The following NAV3 variants were observed in gnomAD, a reference collection of about 807,000 sequenced individuals.
The protein encoded by NAV3 is neuron navigator 3.
NAV3 carries 87 observed loss-of-function variants against 244.7 expected under a neutral mutation model. The ratio of observed to expected loss-of-function variants is 0.36; its 90% CI spans 0.30 to 0.42. The LOEUF is 0.42. Ranked by LOEUF, NAV3 falls within the 20% of genes least tolerant of loss-of-function variation. The probability of loss-of-function intolerance (pLI) is 1.00; values close to 1 mark genes in which losing one functional copy is unlikely to be tolerated. For missense variants in NAV3, 2,663 were observed against 2,893.3 expected, an observed-to-expected ratio of 0.92 and a Z score of 1.83; for synonymous variants, 1,126 against 1,042.2, an observed-to-expected ratio of 1.08 and a Z score of -1.55.
At chr12:77,603,742 A>G (rs1373928918) in intron 2 of NAV3, among the ~76,000 whole-genome samples, 1 of 152,034 alleles carries the variant, frequency 6.6e-6, no homozygotes, top group Non-Finnish European at 1.5e-5. Flanking sequence ...TCGATAATGA[A>G]TTATATTCTT....
intron 2 of NAV3, among the ~76,000 whole-genome samples, chr12:77,734,556 T>C (rs192135656): frequency 2.6e-5 from 4 of 152,130 alleles, no homozygotes; most frequent in Non-Finnish European, 4.4e-5. Flanking sequence ...GTTTTAAAGA[T>C]GCGTATTTTG....
At chr12:77,634,635 G>T (rs1419307411) in intron 2 of NAV3, among the ~76,000 whole-genome samples, 1 of 152,012 alleles carries the variant, frequency 6.6e-6, no homozygotes, top group East Asian at 1.9e-4. Flanking sequence ...TTTTAGAACA[G>T]GTGTCGCCTA....
intron 5 of NAV3, among the ~76,000 whole-genome samples, chr12:77,972,309 T>C (rs1893064565): frequency 6.6e-6 from 1 of 152,164 alleles, no homozygotes; most frequent in Non-Finnish European, 1.5e-5. Flanking sequence ...AAAGTAAAGG[T>C]GGGATTCAGA....
chr12:78,121,012 C>A (rs1020508112), intron 15 of NAV3, among the ~76,000 whole-genome samples: 1 of 152,036 alleles, frequency 6.6e-6, no homozygotes, highest in African/African-American at 2.4e-5. Context: ...TGAATTATGG[C>A]GTATAGGGAG....
At chr12:78,050,713 T>C (rs746591584) in intron 10 of NAV3, 51 bp from the exon 11 acceptor site, 2 of 1,529,378 alleles carry the variant, frequency 1.3e-6, no homozygotes, top group East Asian at 2.3e-5. Flanking sequence ...CATTCTAGAT[T>C]ATGGCCCTAA....
In NAV3 at chr12:77,831,191, G is replaced by GAC. The variant is rs1300693103; in HGVS notation, c.-270_-269insCA. 7.6e-4 allele frequency: 66 copies of GAC among 86,490 alleles called. No individual in the cohort carries two copies. Among genetic ancestry groups the GAC allele is most frequent in the African/African-American group, 2.5e-3 (58 of 22,924 alleles). The allele number at this position is 86,490 out of a possible 1,614,324, so 5.4% of individuals were successfully genotyped here. ...AGACAGAGAGAGAGAGAGAGAGAGAGAGACAGAGAGAGAGAGAGAGAGAGA... is the reference window on the plus strand; with the variant it reads ...AGACAGAGAGAGAGAGAGAGAGAGAGACAGACAGAGAGAGAGAGAGAGAGAGA... On this transcript the variant is annotated 5_prime_UTR_variant, in exon 1 of 40. Transcript: ENST00000397909.
chr12:77,763,125 A>G (rs1415125551), intron 2 of NAV3, among the ~76,000 whole-genome samples: 3 of 152,030 alleles, frequency 2.0e-5, no homozygotes, highest in Admixed American at 6.6e-5. Context: ...TATAGACTGT[A>G]CCCCTGCCTT....
chr12:77,639,849 T>G (rs943518061), intron 2 of NAV3, among the ~76,000 whole-genome samples: 3 of 152,136 alleles, frequency 2.0e-5, no homozygotes, highest in Non-Finnish European at 4.4e-5. Flanking sequence ...GTTGCTCTGA[T>G]GGCACAGAAG....
chr12:78,024,368 A>G (rs891191276), intron 9 of NAV3, among the ~76,000 whole-genome samples: 11 of 152,128 alleles, frequency 7.2e-5, no homozygotes, highest in Non-Finnish European at 1.5e-4. Context: ...CTCCAACCTC[A>G]AGTGACTATG....
intron 2 of NAV3, among the ~76,000 whole-genome samples, chr12:77,706,913 G>GAAAA (rs1240907460): frequency 7.0e-6 from 1 of 142,792 alleles, no homozygotes; most frequent in African/African-American, 2.6e-5. Context: ...AAAAAACTAG[G>GAAAA]AAAAAAAGCA....
chr12:77,662,638 A>G lies in NAV3; in HGVS notation c.72+90372A>G, dbSNP rs372058329. Among the ~76,000 whole-genome samples, 28 of 152,222 alleles carry G rather than the reference A, an allele frequency of 1.8e-4. No homozygotes were observed. The East Asian group carries it at 3.1e-3, about 17-fold the overall frequency. ...ATTTTTGCGTAAATTTCTCCAGAGT[A>G]TTATGCTTTTCCTAACTATGATTAA... On this transcript the variant is annotated intron_variant, in intron 2 of 8. Coordinates refer to the NAV3 transcript ENST00000550042.
Position 77,831,255 on chromosome 12 carries a change from C to A in NAV3, c.-207C>A, listed in dbSNP as rs961866221. The A allele has an allele frequency of 8.5e-6, 4 of 469,640 alleles. No homozygotes were observed. Among genetic ancestry groups the A allele is most frequent in the Non-Finnish European group, 1.5e-5 (4 of 265,850 alleles). 29.1% of individuals were successfully genotyped at this position (469,640 alleles called of 1,614,324 possible). On this transcript the variant is annotated 5_prime_UTR_variant, in exon 1 of 40. Transcript: ENST00000397909. ...AGAGAGAATGAGAATGAATATGAATCCCAGCCAGCAAGAAAGAAAAGATAC... is the reference window on the plus strand; with the variant it reads ...AGAGAGAATGAGAATGAATATGAATACCAGCCAGCAAGAAAGAAAAGATAC...
chr12:78,090,423 T>G (rs2137998132), intron 12 of NAV3, among the ~76,000 whole-genome samples: 1 of 152,106 alleles, frequency 6.6e-6, no homozygotes, highest in South Asian at 2.1e-4. Context: ...ATTTAAAACC[T>G]TTTCTACTAA....
In NAV3 at chr12:77,588,288, A is replaced by ATT. The variant is rs139966995; in HGVS notation, c.72+16031_72+16032dup. On this transcript the variant is annotated intron_variant, in intron 2 of 8. Coordinates refer to the NAV3 transcript ENST00000550042. ...ACCACCATATCCAGCTGATTTTTTT[A>ATT]TTTTTTTTTTGGTAGAGAAAGGGTC... 6.2e-3 allele frequency among the ~76,000 whole-genome samples: 928 copies of ATT among 149,098 alleles called. 2 individuals are homozygous for ATT. Among genetic ancestry groups the ATT allele is most frequent in the Non-Finnish European group, 0.011 (712 of 67,150 alleles).
intron 3 of NAV3, among the ~76,000 whole-genome samples, chr12:77,946,969 C>T (rs970760847): frequency 6.6e-6 from 1 of 152,072 alleles, no homozygotes; most frequent in African/African-American, 2.4e-5. Context: ...AGCTAAGGAT[C>T]TGGCAAATGT....
At chr12:77,902,393 C>T (rs910100461) in intron 1 of NAV3, among the ~76,000 whole-genome samples, 3 of 152,166 alleles carry the variant, frequency 2.0e-5, no homozygotes, top group Non-Finnish European at 4.4e-5. Flanking sequence ...GAGATACATC[C>T]CATCAATACC....
rs1028739568 is a variant in NAV3, at chr12:77,688,317, A to G, written c.72+116051A>G. Among the ~76,000 whole-genome samples the G allele has an allele frequency of 1.1e-4, 16 of 152,052 alleles. 1 individual carries two copies. Among genetic ancestry groups the G allele is most frequent in the Admixed American group, 1.0e-3 (16 of 15,244 alleles). On this transcript the variant is annotated intron_variant, in intron 2 of 8. Coordinates refer to the NAV3 transcript ENST00000550042. ...TCAAAAAGACTACCCCTGACCCCCT[A>G]GATTAGGTTAGACATGCTTACTATA...
intron 1 of NAV3, among the ~76,000 whole-genome samples, chr12:77,878,067 C>G (rs1882090737): frequency 6.6e-6 from 1 of 151,952 alleles, no homozygotes; most frequent in Non-Finnish European, 1.5e-5. Context: ...TCATCAAAAA[C>G]AAGGGGAGTC....
intron 2 of NAV3, among the ~76,000 whole-genome samples, chr12:77,741,141 A>C (rs1868320900): frequency 7.2e-6 from 1 of 138,710 alleles, no homozygotes; most frequent in African/African-American, 2.6e-5. Context: ...CAAAGAAAAA[A>C]AAAAGACAAA....
Sources: allele counts gnomAD v4.1 joint callset (sites outside exome capture counted in the v4.1 genomes callset), GRCh38; gene constraint gnomAD v4.1.1; transcripts MANE v1.5; gene names NCBI Gene and HGNC (gene_info 2026-07-23, HGNC 2026-07-21).